Variants in MYL12B observed in about 807,000 individuals in gnomAD.
MYL12B encodes myosin light chain 12B.
A neutral mutation model predicts 12.9 loss-of-function variants in MYL12B; 3 were observed. The ratio of observed to expected loss-of-function variants is 0.23; its 90% CI spans 0.11 to 0.60. The LOEUF is 0.60. Ranked by LOEUF, MYL12B falls within the 20% of genes least tolerant of loss-of-function variation. MYL12B has a pLI of 0.89. For synonymous variants in MYL12B, 57 were observed against 71.9 expected (o/e 0.79, Z 1.05); for missense variants, 120 against 215.4 (o/e 0.56, Z 2.77).
In MYL12B at chr18:3,278,211, C is replaced by G. The variant is rs1598811496; in HGVS notation, c.*274C>G. On this transcript the variant is annotated 3_prime_UTR_variant, in exon 4 of 4. Coordinates refer to ENST00000237500, the MANE Select transcript of MYL12B (RefSeq NM_033546.4). The stretch of plus-strand genomic sequence containing the variant: ...AAATATATTCGTATTTCTGGTTTTG[C>G]TGGATTTTTACATTTTTATATAATA... The G allele has an allele frequency of 1.4e-5, 4 of 283,686 alleles. No individual in the cohort carries two copies. The East Asian group carries it at 2.8e-4, about 20-fold the overall frequency. The allele number at this position is 283,686 out of a possible 1,614,324, so 17.6% of individuals were successfully genotyped here. A position where few individuals can be genotyped will look rare whatever the true frequency, so the allele number is the denominator to read the frequency against.
At chr18:3,269,846 A>G (rs753925199) in intron 1 of MYL12B, among the ~76,000 whole-genome samples, 4 of 152,240 alleles carry the variant, frequency 2.6e-5, no homozygotes, top group Admixed American at 6.5e-5. Context: ...GAGTAAGTCA[A>G]ATACACCATT....
chr18:3,267,860 T>A (rs1413687988), intron 1 of MYL12B, among the ~76,000 whole-genome samples: 1 of 152,208 alleles, frequency 6.6e-6, no homozygotes, highest in Non-Finnish European at 1.5e-5. Context: ...TGCTCAAGTC[T>A]CCCATATAAA....
Position 3,276,511 on chromosome 18 carries a change from A to G in MYL12B, c.185-742A>G, listed in dbSNP as rs1469719312. 18 of 985,208 alleles carry G rather than the reference A, an allele frequency of 1.8e-5. No individual in the cohort carries two copies. The South Asian group carries it at 4.2e-4, about 23-fold the overall frequency. The allele number at this position is 985,208 out of a possible 1,614,324, so 61.0% of individuals were successfully genotyped here. On this transcript the variant is annotated intron_variant, in intron 2 of 3. Coordinates refer to ENST00000237500, the MANE Select transcript of MYL12B (RefSeq NM_033546.4). The stretch of plus-strand genomic sequence containing the variant: ...ATTACAAACAATACCAAAGAAGACC[A>G]CAGTTCAATGACATGTGTAAACAGT...
At chr18:3,276,913 A>G (rs1954837) in intron 2 of MYL12B, 947,000 of 969,292 alleles carry the variant, frequency 0.98, 462,756 homozygotes, top group Non-Finnish European at 0.98. Flanking sequence ...GCACATGCCT[A>G]TAGTCCAAAA....
chr18:3,274,825 A>G (rs778331531), intron 2 of MYL12B, among the ~76,000 whole-genome samples: 4 of 152,192 alleles, frequency 2.6e-5, no homozygotes, highest in Non-Finnish European at 5.9e-5. Flanking sequence ...TAACATATGT[A>G]TTTACCTTTT....
intron 2 of MYL12B, among the ~76,000 whole-genome samples, chr18:3,275,632 A>T (rs1370691591): frequency 6.6e-6 from 1 of 152,202 alleles, no homozygotes; most frequent in Non-Finnish European, 1.5e-5. Context: ...TTTAAAAGAT[A>T]CGTATTTACC....
At chr18:3,273,212 TG>T in intron 2 of MYL12B, 130 bp downstream of exon 2, 1 of 1,046,026 alleles carries the variant, frequency 9.6e-7, no homozygotes, top group Non-Finnish European at 1.3e-6. Flanking sequence ...TTTCTGGGTG[TG>T]GGAGGTGCTA....
chr18:3,270,746 C>T (rs2034066), intron 1 of MYL12B, among the ~76,000 whole-genome samples: 145,040 of 152,196 alleles, frequency 0.95, 69,186 homozygotes, highest in Non-Finnish European at 0.98. Flanking sequence ...TACGGTTCAC[C>T]AGCCTCGACC....
intron 2 of MYL12B, among the ~76,000 whole-genome samples, chr18:3,275,105 G>T (rs1773940819): frequency 6.6e-6 from 1 of 151,770 alleles, no homozygotes; most frequent in Non-Finnish European, 1.5e-5. Context: ...TTAAAAATGT[G>T]GTACTTATGT....
chr18:3,269,293 TGA>T (rs1303957470), intron 1 of MYL12B, among the ~76,000 whole-genome samples: 1 of 152,076 alleles, frequency 6.6e-6, no homozygotes, highest in Non-Finnish European at 1.5e-5. Flanking sequence ...AGGGTAGTTT[TGA>T]GAGAGCCGAG....
intron 2 of MYL12B, among the ~76,000 whole-genome samples, 165 bp downstream of exon 2, chr18:3,273,247 G>A (rs2081697684): frequency 6.6e-6 from 1 of 152,122 alleles, no homozygotes; most frequent in Admixed American, 6.5e-5. Context: ...CCAGTCATAT[G>A]GAGATAAGCC....
At chr18:3,269,093 A>G (rs1206592091) in intron 1 of MYL12B, among the ~76,000 whole-genome samples, 1 of 152,180 alleles carries the variant, frequency 6.6e-6, no homozygotes, top group Non-Finnish European at 1.5e-5. Context: ...TGCTAAAGGA[A>G]AAGTACAAAG....
intron 2 of MYL12B, 200 bp from the exon 3 acceptor site, chr18:3,277,053 G>C: frequency 1.0e-6 from 1 of 958,234 alleles, no homozygotes; most frequent in Non-Finnish European, 1.2e-6. Flanking sequence ...ATATAAGCCT[G>C]GAATACATTT....
chr18:3,276,419 C>T (rs1198269144), intron 2 of MYL12B: 1 of 984,406 alleles, frequency 1.0e-6, no homozygotes, highest in African/African-American at 1.8e-5. Context: ...AGGGAAAGGT[C>T]AGGGGAGTTC....
Position 3,277,962 on chromosome 18 carries a change from G to T in MYL12B, c.*25G>T. 6.2e-7 allele frequency: 1 copy of T among 1,607,864 alleles called. No individual in the cohort carries two copies. Among genetic ancestry groups the T allele is most frequent in the Non-Finnish European group, 8.5e-7 (1 of 1,176,636 alleles). On this transcript the variant is annotated 3_prime_UTR_variant, in exon 4 of 4. Transcript: ENST00000237500. ...AAAGAACTTTAGCTAAAATCTTCCA[G>T]TTACATTGTCTTACTCTCTTTTACT...
At chr18:3,273,202 T>G in intron 2 of MYL12B, 120 bp downstream of exon 2, 1 of 1,145,040 alleles carries the variant, frequency 8.7e-7, no homozygotes, top group Non-Finnish European at 1.2e-6. Context: ...TCTGGAGAGA[T>G]TTCTGGGTGT....
At chr18:3,266,263 C>T (rs1372997) in intron 1 of MYL12B, among the ~76,000 whole-genome samples, 146,622 of 152,304 alleles carry the variant, frequency 0.96, 70,635 homozygotes, top group Non-Finnish European at 0.98. Flanking sequence ...TGCTGGCTGT[C>T]GGCAAGAATC....
rs2144367522 is a variant in MYL12B, at chr18:3,277,246, C to T, written c.185-7C>T. The T allele has an allele frequency of 1.3e-6, 2 of 1,561,086 alleles. No homozygotes were observed. The highest frequency in any genetic ancestry group is 1.7e-6 in the Non-Finnish European group (2 of 1,153,108). On this transcript the variant is annotated splice_polypyrimidine_tract_variant and splice_region_variant and intron_variant, in intron 2 of 3. Coordinates refer to ENST00000237500, the MANE Select transcript of MYL12B (RefSeq NM_033546.4). ...GTCTTTAAATGTTAAAATGTGTATT[C>T]TTACAGGGAAGAATCCCACTGATGC...
At chr18:3,269,895 T>C (rs7239576) in intron 1 of MYL12B, among the ~76,000 whole-genome samples, 20,545 of 152,244 alleles carry the variant, frequency 0.13, 1,508 homozygotes, top group East Asian at 0.28. Flanking sequence ...CTTAGCAGTC[T>C]TCCTGATTAG....
Sources: allele counts gnomAD v4.1 joint callset (sites outside exome capture counted in the v4.1 genomes callset), GRCh38; gene constraint gnomAD v4.1.1; transcripts MANE v1.5; gene names NCBI Gene and HGNC (gene_info 2026-07-23, HGNC 2026-07-21).